PIK3C2B: variants seen among roughly 807,000 people sequenced by gnomAD.
The protein encoded by PIK3C2B is phosphatidylinositol 4-phosphate 3-kinase C2 domain-containing subunit beta.
Under a neutral mutation model 184.3 loss-of-function variants are expected in PIK3C2B, and 83 were observed. That is an observed-to-expected ratio of 0.45 (90% CI 0.38 to 0.54). The LOEUF is 0.54. Ranked by LOEUF, PIK3C2B falls within the 20% of genes least tolerant of loss-of-function variation. The pLI, the probability that PIK3C2B is intolerant of heterozygous loss-of-function variation, is 0.00. For synonymous variants in PIK3C2B, 779 were observed against 837.6 expected (o/e 0.93, Z 1.21); for missense variants, 1,736 against 2,113.5 (o/e 0.82, Z 3.50).
intron 8 of PIK3C2B, among the ~76,000 whole-genome samples, chr1:204,458,338 A>G (rs1572350090): frequency 6.6e-6 from 1 of 152,052 alleles, no homozygotes. Flanking sequence ...CTAAAATTCT[A>G]CCTCCTGCAT....
rs1269267839 is a variant in PIK3C2B at position 204,429,934 on chromosome 1, G to A, written c.4385C>T (p.Pro1462Leu). The A allele has an allele frequency of 6.2e-7, 1 of 1,609,622 alleles. No individual in the cohort carries two copies. Among genetic ancestry groups the A allele is most frequent in the South Asian group, 1.1e-5 (1 of 91,008 alleles). The stretch of plus-strand genomic sequence containing the variant: ...AAGCCCACCCACCTCGGCCACCTCA[G>A]GGGGTGCGTGGATCAAGTGCCAGAT... The part of the protein sequence containing the change: ...GYIWHLIHAP[P>L]EVAECDLVYT... The change falls in exon 29 of 33, where the codon CCT (proline) becomes CTT (leucine). Residue 1462 changes from proline (P) to leucine (L), a missense_variant. Pro to Leu is a moderately conservative substitution (Grantham distance 98). Around this residue, in one of 8 missense-constraint regions of PIK3C2B, gnomAD observed 200 missense variants for 199.1 expected, o/e 1.00. Transcript: ENST00000684373.
chr1:204,463,511 G>A (rs1434505614), intron 5 of PIK3C2B, among the ~76,000 whole-genome samples: 1 of 152,164 alleles, frequency 6.6e-6, no homozygotes, highest in Non-Finnish European at 1.5e-5. Context: ...TTTGGGAGGA[G>A]GATAACTAGC....
chr1:204,432,428 A>G, intron 26 of PIK3C2B, 27 bp from the exon 27 acceptor site: 1 of 1,602,930 alleles, frequency 6.2e-7, no homozygotes, highest in Non-Finnish European at 8.5e-7. Flanking sequence ...AAAAGAGGAT[A>G]TAACCATGAA....
intron 30 of PIK3C2B, 94 bp from the exon 31 acceptor site, chr1:204,427,848 G>C: frequency 1.2e-6 from 1 of 840,272 alleles, no homozygotes; most frequent in Non-Finnish European, 2.0e-6. Context: ...CTCCATGTCA[G>C]ATTTCTGATA....
In PIK3C2B at chr1:204,440,234, G is replaced by C; in HGVS notation, c.3337C>G (p.Arg1113Gly). 6.2e-7 allele frequency: 1 copy of C among 1,612,232 alleles called. No individual in the cohort carries two copies. Among genetic ancestry groups the C allele is most frequent in the East Asian group, 2.2e-5 (1 of 44,486 alleles). The change falls in exon 22 of 33, where the codon CGC becomes GGC. Residue 1113 changes from arginine to glycine, a missense_variant. This residue lies in a region of PIK3C2B where 289 missense variants were observed against 380.4 expected (regional missense o/e 0.76). Transcript: ENST00000684373. ...KIWVQEGLDMRMVIFRCFSTG... is the reference protein window; with the variant it reads ...KIWVQEGLDMGMVIFRCFSTG... ...GAGAAGCAGCGGAAGATGACCATGC[G>C]CATGTCCAGCCCCTCCTGGACCCAG...
chr1:204,440,202 G>A lies in PIK3C2B; in HGVS notation c.3369C>T (p.Gly1123=), dbSNP rs1275006651. 2 of 1,611,834 alleles carry A rather than the reference G, an allele frequency of 1.2e-6. No individual in the cohort carries two copies. Among genetic ancestry groups the A allele is most frequent in the African/African-American group, 2.7e-5 (2 of 74,672 alleles). Residue 1123 remains glycine, a synonymous_variant, in exon 22 of 33, where the codon GGC becomes GGT. Transcript: ENST00000684373. ...RMVIFRCFST[G]RGRGMVEMIP... is the part of the protein sequence containing the mutation. ...CTACTCCCAACTGACCTCTGCCCCG[G>A]CCGGTGGAGAAGCAGCGGAAGATGA...
intron 1 of PIK3C2B, among the ~76,000 whole-genome samples, 198 bp downstream of exon 1, chr1:204,494,158 G>A (rs1658211513): frequency 6.6e-6 from 1 of 152,152 alleles, no homozygotes; most frequent in Non-Finnish European, 1.5e-5. Flanking sequence ...GGGGCAACCT[G>A]CTCTGCCCGG....
At chr1:204,429,898 G>T in intron 29 of PIK3C2B, 23 bp downstream of exon 29, 1 of 1,471,720 alleles carries the variant, frequency 6.8e-7, no homozygotes. Context: ...TGGACAGCCA[G>T]GAGGAGAGGC....
rs765614005 is a variant in PIK3C2B at position 204,469,263 on chromosome 1, G to A, written c.540C>T (p.Ser180=). 1 of 1,562,762 alleles carries A rather than the reference G, an allele frequency of 6.4e-7. No individual in the cohort carries two copies. Among genetic ancestry groups the A allele is most frequent in the South Asian group, 1.2e-5 (1 of 82,004 alleles). Residue 180 remains serine (S), a synonymous_variant, in exon 2 of 33, where the codon TCC becomes TCT. Transcript: ENST00000684373. ...TGTCACTGGGCTGGGAGATCTTGGA[G>A]GATGAGGGGGACCCCTTTCTGGGAG... ...PLPPRKGSPS[S]SKISQPSDIN...
intron 12 of PIK3C2B, among the ~76,000 whole-genome samples, chr1:204,453,873 A>T (rs1572339204): frequency 6.6e-6 from 1 of 151,640 alleles, no homozygotes; most frequent in African/African-American, 2.4e-5. Context: ...TCCCGGGTTC[A>T]AGCGATTCTC....
chr1:204,427,725 C>T lies in PIK3C2B; in HGVS notation c.4510G>A (p.Val1504Met). 6.2e-7 allele frequency: 1 copy of T among 1,614,092 alleles called. No individual in the cohort carries two copies. Among genetic ancestry groups the T allele is most frequent in the South Asian group, 1.1e-5 (1 of 91,086 alleles). Reference sequence around the variant, plus strand: ...ATGGACAGCTTCACCTCCCCTCCCACCTTTCCGACGGGCCGGGCCCATGTG... The same window carrying T: ...ATGGACAGCTTCACCTCCCCTCCCATCTTTCCGACGGGCCGGGCCCATGTG... ...DGTWARPVGK[V>M]GGEVKLSISY... The change falls in exon 31 of 33, where the codon GTG (valine) becomes ATG (methionine). Residue 1504 changes from valine to methionine, a missense_variant. Physicochemically the swap from Val to Met is conservative, Grantham distance 21 (BLOSUM62 1). Transcript: ENST00000684373.
chr1:204,444,532 A>G, intron 16 of PIK3C2B, 108 bp from the exon 17 acceptor site: 1 of 735,940 alleles, frequency 1.4e-6, no homozygotes, highest in Non-Finnish European at 2.3e-6. Context: ...AAGAAAATGC[A>G]ATGGCCCTAG....
At chr1:204,438,631 A>G (rs61763428) in intron 23 of PIK3C2B, among the ~76,000 whole-genome samples, 2,631 of 152,254 alleles carry the variant, frequency 0.017, 62 homozygotes, top group East Asian at 0.13. Flanking sequence ...AGGATCCACA[A>G]CTGGGAGGGA....
In PIK3C2B at chr1:204,425,748, TA is replaced by T. The variant is rs775537964; in HGVS notation, c.4588-8del. ...TTCCATCCTGGAGCAGTTGCTACAATAGAATGAGAACCAAAAAAATGTTAAG... is the reference window on the plus strand; with the variant it reads ...TTCCATCCTGGAGCAGTTGCTACAATGAATGAGAACCAAAAAAATGTTAAG... On this transcript the variant is annotated splice_polypyrimidine_tract_variant and splice_region_variant and intron_variant, in intron 31 of 32. Coordinates refer to ENST00000684373, the MANE Select transcript of PIK3C2B (RefSeq NM_001377334.1). 1 of 1,609,706 alleles carries T rather than the reference TA, an allele frequency of 6.2e-7. No individual in the cohort carries two copies. Among genetic ancestry groups the T allele is most frequent in the Admixed American group, 1.7e-5 (1 of 59,682 alleles).
Position 204,460,314 on chromosome 1 carries a change from C to G in PIK3C2B, c.1502+10G>C. On this transcript the variant is annotated intron_variant, in intron 7 of 32. Transcript: ENST00000684373. ...GTTTGGAGCACATCCAAGATGGTGC[C>G]CACACTCACCTGCTGATGGTCTGCT... The G allele has an allele frequency of 6.2e-7, 1 of 1,606,920 alleles. No homozygotes were observed. Among genetic ancestry groups the G allele is most frequent in the Non-Finnish European group, 8.5e-7 (1 of 1,173,616 alleles).
At position 204,423,250 on chromosome 1, in the gene PIK3C2B, C is replaced by CGA. The variant is rs1674577649; in HGVS notation, c.*1601_*1602insTC. ...AGATCACGAGGTCAAGAGATCGAGA[C>CGA]CATCCTGGCCAACATGGTGAAACCC... On this transcript the variant is annotated 3_prime_UTR_variant, in exon 33 of 33. Coordinates refer to ENST00000684373, the MANE Select transcript of PIK3C2B (RefSeq NM_001377334.1). The CGA allele has an allele frequency of 2.6e-5, 4 of 152,176 alleles. No homozygotes were observed. The highest frequency in any genetic ancestry group is 9.7e-5 in the African/African-American group (4 of 41,402). 9.4% of individuals were successfully genotyped at this position (152,176 alleles called of 1,614,324 possible).
chr1:204,466,487 G>GGTGGT (rs1655805430), intron 2 of PIK3C2B, among the ~76,000 whole-genome samples: 1 of 151,882 alleles, frequency 6.6e-6, no homozygotes, highest in African/African-American at 2.4e-5. Context: ...GGCGGCGGGG[G>GGTGGT]GTGGGGGTGC....
chr1:204,442,893 G>A (rs977688187), intron 19 of PIK3C2B, among the ~76,000 whole-genome samples: 3 of 152,212 alleles, frequency 2.0e-5, no homozygotes, highest in African/African-American at 7.2e-5. Flanking sequence ...CACAGAGAGG[G>A]CAGGCTGTCT....
chr1:204,492,596 G>A (rs1406863971), intron 1 of PIK3C2B, among the ~76,000 whole-genome samples: 1 of 152,138 alleles, frequency 6.6e-6, no homozygotes, highest in Non-Finnish European at 1.5e-5. Flanking sequence ...CGAGGGTATA[G>A]AGTATCTGCC....
Sources: gnomAD v4.1 joint callset for allele counts (sites outside exome capture counted in the v4.1 genomes callset) on GRCh38, gnomAD v4.1.1 for gene constraint, gnomAD v4.1.1 regional missense constraint, MANE v1.5 for transcripts, NCBI Gene and HGNC (gene_info 2026-07-23, HGNC 2026-07-21) for gene names.